JARID2: variants seen among roughly 807,000 people sequenced by gnomAD.
JARID2 encodes jumonji and AT-rich interaction domain containing 2, also known as protein Jumonji.
Under a neutral mutation model 125.6 loss-of-function variants are expected in JARID2, and 21 were observed. That is an observed-to-expected ratio of 0.17 (90% CI 0.12 to 0.24). The LOEUF is 0.24. Ranked by LOEUF, JARID2 falls within the 10% of genes least tolerant of loss-of-function variation. JARID2 has a pLI of 1.00. For missense variants in JARID2, 1,303 were observed against 1,639.6 expected, an observed-to-expected ratio of 0.79 and a Z score of 3.55; for synonymous variants, 736 against 661.6, an observed-to-expected ratio of 1.11 and a Z score of -1.73.
intron 12 of JARID2, among the ~76,000 whole-genome samples, chr6:15,508,662 T>C (rs1355634144): frequency 6.6e-6 from 1 of 152,218 alleles, no homozygotes; most frequent in Non-Finnish European, 1.5e-5. Flanking sequence ...TGGAGAATGT[T>C]GTAACACTGT....
intron 5 of JARID2, among the ~76,000 whole-genome samples, chr6:15,480,542 G>A (rs1185546262): frequency 1.3e-5 from 2 of 152,124 alleles, no homozygotes; most frequent in African/African-American, 2.4e-5. Context: ...TCTGGGAGGC[G>A]CTTGGAGACA....
chr6:15,493,666 C>A (rs1473053507), intron 6 of JARID2, among the ~76,000 whole-genome samples: 1 of 151,870 alleles, frequency 6.6e-6, no homozygotes, highest in East Asian at 1.9e-4. Context: ...CCACCCCCAC[C>A]CAGCCCCACC....
intron 3 of JARID2, among the ~76,000 whole-genome samples, chr6:15,431,824 A>C (rs929097655): frequency 6.6e-6 from 1 of 152,224 alleles, no homozygotes; most frequent in Non-Finnish European, 1.5e-5. Flanking sequence ...GCTGTGAAGC[A>C]GTCTGTTTTG....
At chr6:15,465,787 G>GT (rs1456672809) in intron 4 of JARID2, among the ~76,000 whole-genome samples, 3 of 148,680 alleles carry the variant, frequency 2.0e-5, no homozygotes, top group African/African-American at 7.7e-5. Context: ...TTTTTTTGTT[G>GT]CTGTTTGTTT....
At chr6:15,479,822 G>A (rs1422705528) in intron 5 of JARID2, among the ~76,000 whole-genome samples, 1 of 152,172 alleles carries the variant, frequency 6.6e-6, no homozygotes, top group Non-Finnish European at 1.5e-5. Flanking sequence ...AGTTTTACAC[G>A]TGGATGGTGG....
intron 1 of JARID2, among the ~76,000 whole-genome samples, chr6:15,333,134 G>T (rs569864019): frequency 6.6e-6 from 1 of 151,888 alleles, no homozygotes; most frequent in East Asian, 1.9e-4. Flanking sequence ...GGGTTTCACT[G>T]TGTTAGCCAG....
intron 12 of JARID2, among the ~76,000 whole-genome samples, chr6:15,508,742 T>G (rs1771126538): frequency 6.6e-6 from 1 of 152,248 alleles, no homozygotes; most frequent in African/African-American, 2.4e-5. Flanking sequence ...TAAGTTCCCT[T>G]AAGAATTACC....
chr6:15,511,284 T>C lies in JARID2; in HGVS notation c.2847-12T>C. Reference sequence around the variant, plus strand: ...AGTCTCTGCTTGTCTCTTGTGTCTCTCAATGACCCAGGTATTGCATTCCTG... The same window carrying C: ...AGTCTCTGCTTGTCTCTTGTGTCTCCCAATGACCCAGGTATTGCATTCCTG... On this transcript the variant is annotated splice_polypyrimidine_tract_variant and intron_variant, in intron 12 of 17. Coordinates refer to ENST00000341776, the MANE Select transcript of JARID2 (RefSeq NM_004973.4). The C allele has an allele frequency of 6.3e-7, 1 of 1,592,922 alleles. No homozygotes were observed. The highest frequency in any genetic ancestry group is 8.6e-7 in the Non-Finnish European group (1 of 1,160,806).
intron 1 of JARID2, among the ~76,000 whole-genome samples, chr6:15,343,456 C>G (rs547038164): frequency 4.6e-5 from 7 of 152,050 alleles, no homozygotes; most frequent in Non-Finnish European, 8.8e-5. Context: ...TGGTGAATAT[C>G]CCATTAAAAA....
intron 1 of JARID2, 66 bp from the exon 2 acceptor site, chr6:15,374,051 A>T: frequency 6.4e-7 from 1 of 1,570,494 alleles, no homozygotes; most frequent in South Asian, 1.2e-5. Flanking sequence ...AATAAAGTTT[A>T]TTTTGACTCT....
chr6:15,408,628 AT>A (rs1273203595), intron 2 of JARID2, among the ~76,000 whole-genome samples: 1 of 152,260 alleles, frequency 6.6e-6, no homozygotes, highest in Non-Finnish European at 1.5e-5. Flanking sequence ...ATTTGATTTA[AT>A]CTACTCCAAA....
chr6:15,317,284 G>T (rs1581405094), intron 1 of JARID2, among the ~76,000 whole-genome samples: 1 of 152,092 alleles, frequency 6.6e-6, no homozygotes, highest in South Asian at 2.1e-4. Context: ...TAACATGTCA[G>T]TTTTTTCTGT....
At chr6:15,281,523 T>C (rs975522061) in intron 1 of JARID2, among the ~76,000 whole-genome samples, 2 of 152,230 alleles carry the variant, frequency 1.3e-5, no homozygotes, top group Non-Finnish European at 2.9e-5. Flanking sequence ...CCTTTCTGTG[T>C]ATTTACCTGC....
intron 3 of JARID2, among the ~76,000 whole-genome samples, chr6:15,416,982 G>A (rs1272597898): frequency 6.6e-6 from 1 of 151,950 alleles, no homozygotes; most frequent in Non-Finnish European, 1.5e-5. Flanking sequence ...GGTTATGGAG[G>A]TGAGGATTAT....
chr6:15,503,883 G>A (rs1770863033), intron 8 of JARID2, among the ~76,000 whole-genome samples: 1 of 152,142 alleles, frequency 6.6e-6, no homozygotes, highest in Non-Finnish European at 1.5e-5. Context: ...CATTCTGGAA[G>A]TTATTGGGAA....
At chr6:15,299,516 G>A (rs549587612) in intron 1 of JARID2, among the ~76,000 whole-genome samples, 66 of 152,278 alleles carry the variant, frequency 4.3e-4, no homozygotes, top group African/African-American at 1.5e-3. Flanking sequence ...TCTGTAGGAA[G>A]GAATTTATAG....
At chr6:15,428,940 C>CAA (rs56334116) in intron 3 of JARID2, among the ~76,000 whole-genome samples, 13 of 116,858 alleles carry the variant, frequency 1.1e-4, no homozygotes, top group African/African-American at 3.0e-4. Flanking sequence ...ACCCCCCCCC[C>CAA]AAAAAAAAAA....
intron 1 of JARID2, among the ~76,000 whole-genome samples, chr6:15,338,896 GGCTTTTC>G: frequency 6.6e-6 from 1 of 152,304 alleles, no homozygotes; most frequent in Non-Finnish European, 1.5e-5. Flanking sequence ...GATATATAGA[GGCTTTTC>G]AGAATTTCAC....
intron 17 of JARID2, among the ~76,000 whole-genome samples, chr6:15,518,053 GGAA>G (rs373492711): frequency 4.6e-5 from 7 of 152,376 alleles, no homozygotes; most frequent in East Asian, 3.9e-4. Flanking sequence ...TCGGAGAGCT[GGAA>G]GAAGAACTCT....
Sources: gnomAD v4.1 joint callset for allele counts (sites outside exome capture counted in the v4.1 genomes callset) on GRCh38, gnomAD v4.1.1 for gene constraint, MANE v1.5 for transcripts, NCBI Gene and HGNC (gene_info 2026-07-23, HGNC 2026-07-21) for gene names.